CACNB2: variants seen among roughly 807,000 people sequenced by gnomAD.
The protein encoded by CACNB2 is calcium voltage-gated channel auxiliary subunit beta 2.
In CACNB2, 42 loss-of-function variants were observed where a neutral mutation model predicts 73.3. The ratio of observed to expected loss-of-function variants is 0.57; its 90% confidence interval spans 0.45 to 0.74. The LOEUF (loss-of-function observed/expected upper bound fraction) is 0.74, where lower values mean the gene tolerates loss of function less well. CACNB2 is among the 30% of genes least tolerant of loss of function. The pLI is 0.00. For missense variants in CACNB2, 940 were observed against 853.0 expected (o/e 1.10, Z -1.27); for synonymous variants, 348 against 310.3 (o/e 1.12, Z -1.28).
At chr10:18,408,761 G>A (rs1564516366) in intron 3 of CACNB2, among the ~76,000 whole-genome samples, 1 of 152,172 alleles carries the variant, frequency 6.6e-6, no homozygotes, top group Admixed American at 6.5e-5. Flanking sequence ...CAAAATTGTA[G>A]TATAAAAGGT....
intron 3 of CACNB2, among the ~76,000 whole-genome samples, chr10:18,403,906 C>G (rs2044143495): frequency 6.6e-6 from 1 of 151,284 alleles, no homozygotes; most frequent in African/African-American, 2.4e-5. Context: ...TGAATAAAAC[C>G]TATTTGATAG....
At chr10:18,355,905 G>A (rs1273766241) in intron 2 of CACNB2, among the ~76,000 whole-genome samples, 3 of 151,930 alleles carry the variant, frequency 2.0e-5, no homozygotes, top group African/African-American at 7.3e-5. Flanking sequence ...CAAAACACTG[G>A]GATTACAGGC....
intron 2 of CACNB2, among the ~76,000 whole-genome samples, chr10:18,338,693 CCTTCCTTCCTGA>C (rs1322312167): frequency 2.0e-5 from 3 of 147,190 alleles, no homozygotes; most frequent in African/African-American, 5.1e-5. Flanking sequence ...TTCCTTCCTT[CCTTCCTTCCTGA>C]CTTCCTGCCT....
chr10:18,522,410 G>C (rs558491956), intron 9 of CACNB2, among the ~76,000 whole-genome samples: 14 of 152,212 alleles, frequency 9.2e-5, no homozygotes, highest in African/African-American at 3.1e-4. Context: ...AAAAAGGTTG[G>C]GGACTGCTGC....
At chr10:18,446,538 G>C (rs900900263) in intron 3 of CACNB2, among the ~76,000 whole-genome samples, 2 of 152,150 alleles carry the variant, frequency 1.3e-5, no homozygotes, top group African/African-American at 4.8e-5. Flanking sequence ...AGACAAGAGA[G>C]GAGATGGGTG....
intron 3 of CACNB2, among the ~76,000 whole-genome samples, chr10:18,438,534 C>G (rs956573177): frequency 6.6e-6 from 1 of 152,190 alleles, no homozygotes; most frequent in African/African-American, 2.4e-5. Flanking sequence ...CCCTCACCAC[C>G]TGTGCTCTGC....
chr10:18,341,584 A>G (rs905196139), intron 2 of CACNB2, among the ~76,000 whole-genome samples: 3 of 152,218 alleles, frequency 2.0e-5, no homozygotes, highest in Non-Finnish European at 2.9e-5. Flanking sequence ...TTAGGAAAGG[A>G]TGAAAACATG....
At chr10:18,223,517 T>C (rs961528102) in intron 2 of CACNB2, among the ~76,000 whole-genome samples, 1 of 152,186 alleles carries the variant, frequency 6.6e-6, no homozygotes, top group African/African-American at 2.4e-5. Flanking sequence ...GCAATCGTTA[T>C]AGTAAAAATG....
rs1554779378 is a variant in CACNB2, at chr10:18,259,570, A to AAAAAAAAAAAAAGAAAAC, written c.213+108600_213+108601insAAAAAAAGAAAACAAAAA. On this transcript the variant is annotated intron_variant, in intron 2 of 13. Transcript: ENST00000324631. The stretch of plus-strand genomic sequence containing the variant: ...AAAAAAAACAAAAAACAAACAAAAA[A>AAAAAAAAAAAAAGAAAAC]AAAAAGTAAAAGTAGCCAGGCATGG... Among the ~76,000 whole-genome samples the AAAAAAAAAAAAAGAAAAC allele has an allele frequency of 6.0e-5, 7 of 116,954 alleles. 2 individuals carry two copies. The highest frequency in any genetic ancestry group is 1.1e-4 in the Non-Finnish European group (6 of 56,454). 76.7% of individuals were successfully genotyped at this position (116,954 alleles called of 152,430 possible).
At chr10:18,162,413 T>A (rs530392223) in intron 2 of CACNB2, among the ~76,000 whole-genome samples, 1 of 152,310 alleles carries the variant, frequency 6.6e-6, no homozygotes, top group East Asian at 1.9e-4. Context: ...TGATGTCATC[T>A]CTGGCTGATT....
chr10:18,498,729 C>T (rs986076242), intron 4 of CACNB2: 2 of 474,938 alleles, frequency 4.2e-6, no homozygotes, highest in East Asian at 4.1e-5. Flanking sequence ...TTGGGAACTG[C>T]TAGAGTAGAT....
intron 2 of CACNB2, among the ~76,000 whole-genome samples, chr10:18,356,008 A>G (rs1436001720): frequency 1.3e-5 from 2 of 151,906 alleles, no homozygotes; most frequent in African/African-American, 4.8e-5. Context: ...AAACCCCACA[A>G]CTTTCTGGAA....
At chr10:18,413,526 C>G (rs191079694) in intron 3 of CACNB2, among the ~76,000 whole-genome samples, 1 of 152,178 alleles carries the variant, frequency 6.6e-6, no homozygotes, top group Non-Finnish European at 1.5e-5. Context: ...TCCTTTAAAC[C>G]CTTTCTTCTC....
At chr10:18,532,239 C>T (rs1180589759) in intron 10 of CACNB2, among the ~76,000 whole-genome samples, 2 of 152,062 alleles carry the variant, frequency 1.3e-5, no homozygotes, top group Non-Finnish European at 2.9e-5. Context: ...CTTTAATTAA[C>T]GGAGTGTAAA....
intron 3 of CACNB2, among the ~76,000 whole-genome samples, chr10:18,415,724 T>G (rs1464953454): frequency 6.6e-6 from 1 of 152,230 alleles, no homozygotes; most frequent in Non-Finnish European, 1.5e-5. Context: ...TATTTTCATT[T>G]TAAATCTCAA....
At chr10:18,167,221 C>G (rs1440116152) in intron 2 of CACNB2, among the ~76,000 whole-genome samples, 2 of 152,064 alleles carry the variant, frequency 1.3e-5, no homozygotes, top group Non-Finnish European at 2.9e-5. Context: ...TGCATGTTCT[C>G]ACTTATAAGT....
intron 3 of CACNB2, among the ~76,000 whole-genome samples, chr10:18,464,420 A>T (rs967761205): frequency 1.5e-4 from 18 of 117,568 alleles, no homozygotes; most frequent in South Asian, 2.3e-4. Flanking sequence ...TCAAAAATTA[A>T]AAAAAAAAAA....
At chr10:18,532,624 C>T (rs1471651447) in intron 10 of CACNB2, among the ~76,000 whole-genome samples, 3 of 144,124 alleles carry the variant, frequency 2.1e-5, no homozygotes, top group Non-Finnish European at 4.5e-5. Context: ...TTGTGGTGAG[C>T]CGAGACTGCA....
At chr10:18,343,108 CAAA>C (rs2041299984) in intron 2 of CACNB2, among the ~76,000 whole-genome samples, 1 of 152,102 alleles carries the variant, frequency 6.6e-6, no homozygotes, top group Non-Finnish European at 1.5e-5. Context: ...CCGCCAAAGG[CAAA>C]TATATATAGA....
Sources: gnomAD v4.1 joint callset for allele counts (sites outside exome capture counted in the v4.1 genomes callset) on GRCh38, gnomAD v4.1.1 for gene constraint, MANE v1.5 for transcripts, NCBI Gene and HGNC (gene_info 2026-07-23, HGNC 2026-07-21) for gene names.